INPP4B: variants seen among roughly 807,000 people sequenced by gnomAD.
The protein encoded by INPP4B is inositol polyphosphate-4-phosphatase type II B, also known as inositol polyphosphate 4-phosphatase type II.
INPP4B carries 55 observed loss-of-function variants against 122.5 expected under a neutral mutation model. The observed-to-expected ratio is 0.45, with a 90% confidence interval of 0.36 to 0.56. The LOEUF is 0.56. Among genes scored for constraint, INPP4B ranks in the 20% least tolerant of loss-of-function variants. The probability of loss-of-function intolerance (pLI) is 0.00; values close to 1 mark genes in which losing one functional copy is unlikely to be tolerated. For missense variants in INPP4B, 1,000 were observed against 1,097.7 expected (o/e 0.91, Z 1.26); for synonymous variants, 403 against 388.7 (o/e 1.04, Z -0.43).
chr4:142,084,107 A>G (rs1775515544), intron 24 of INPP4B, among the ~76,000 whole-genome samples: 1 of 152,070 alleles, frequency 6.6e-6, no homozygotes, highest in Non-Finnish European at 1.5e-5. Flanking sequence ...GAAAAAAACA[A>G]ATGACTTTAT....
chr4:142,245,034 G>A (rs1727213968), intron 11 of INPP4B, among the ~76,000 whole-genome samples: 1 of 152,152 alleles, frequency 6.6e-6, no homozygotes, highest in Non-Finnish European at 1.5e-5. Flanking sequence ...CTTTTCAGAA[G>A]TGTCTGTTCA....
intron 2 of INPP4B, among the ~76,000 whole-genome samples, chr4:142,469,331 A>C (rs1818390366): frequency 1.3e-5 from 2 of 152,140 alleles, no homozygotes; most frequent in African/African-American, 4.8e-5. Context: ...AGAAATTATG[A>C]ATAACTCTGT....
chr4:142,605,675 A>G (rs1012658439), intron 2 of INPP4B, among the ~76,000 whole-genome samples: 3 of 152,046 alleles, frequency 2.0e-5, no homozygotes, highest in Non-Finnish European at 4.4e-5. Context: ...AAGATATATG[A>G]GAAAATGTTC....
intron 1 of INPP4B, among the ~76,000 whole-genome samples, chr4:142,773,782 T>C (rs2151006762): frequency 6.6e-6 from 1 of 152,330 alleles, no homozygotes; most frequent in Non-Finnish European, 1.5e-5. Flanking sequence ...TCTCCAGTAT[T>C]ATCAGAAGGG....
chr4:142,597,340 C>A (rs1227641389), intron 2 of INPP4B, among the ~76,000 whole-genome samples: 1 of 152,186 alleles, frequency 6.6e-6, no homozygotes, highest in African/African-American at 2.4e-5. Context: ...TGTGGATCAA[C>A]GGTGACACCA....
intron 18 of INPP4B, among the ~76,000 whole-genome samples, chr4:142,139,454 G>A (rs769809262): frequency 2.0e-5 from 3 of 152,012 alleles, no homozygotes; most frequent in Admixed American, 6.6e-5. Flanking sequence ...CTACAGGCGC[G>A]TGCTACCATG....
intron 2 of INPP4B, among the ~76,000 whole-genome samples, chr4:142,552,386 A>C (rs1209732807): frequency 6.6e-6 from 1 of 152,040 alleles, no homozygotes; most frequent in Non-Finnish European, 1.5e-5. Flanking sequence ...TTTATTAAGT[A>C]AACTAACCTA....
chr4:142,186,891 C>T (rs1833418923), intron 15 of INPP4B, among the ~76,000 whole-genome samples: 1 of 152,160 alleles, frequency 6.6e-6, no homozygotes, highest in Non-Finnish European at 1.5e-5. Context: ...GTTCAAGCCT[C>T]AGCATGACTA....
intron 10 of INPP4B, among the ~76,000 whole-genome samples, chr4:142,263,639 A>AAT (rs36227189): frequency 0.013 from 540 of 41,788 alleles, 16 homozygotes; most frequent in Non-Finnish European, 0.019. Context: ...AAATTCGTAA[A>AAT]ATATATATAT....
At chr4:142,523,249 C>A (rs531059919) in intron 2 of INPP4B, among the ~76,000 whole-genome samples, 2 of 152,200 alleles carry the variant, frequency 1.3e-5, no homozygotes, top group East Asian at 1.9e-4. Context: ...TGTGGACCAA[C>A]AATTCATGTT....
intron 2 of INPP4B, among the ~76,000 whole-genome samples, chr4:142,609,883 G>A (rs1233043601): frequency 1.3e-5 from 2 of 152,148 alleles, no homozygotes; most frequent in African/African-American, 2.4e-5. Flanking sequence ...AATTTCCTAA[G>A]AAGTAGTGAA....
rs531914072 is a variant in INPP4B at position 142,036,050 on chromosome 4, C to T, written c.2643-7136G>A. On this transcript the variant is annotated intron_variant, in intron 25 of 25. Coordinates refer to ENST00000262992, the MANE Select transcript of INPP4B (RefSeq NM_001101669.3). The stretch of plus-strand genomic sequence containing the variant: ...AAAGGTAGATTTTCAACCACCCTCC[C>T]CTCCTTCCCTCTCCCCTCTAATAGT... Among the ~76,000 whole-genome samples, 107 of 152,106 alleles carry T rather than the reference C, an allele frequency of 7.0e-4. 1 individual carries two copies. The highest frequency in any genetic ancestry group is 1.1e-3 in the Non-Finnish European group (74 of 67,984).
intron 7 of INPP4B, among the ~76,000 whole-genome samples, chr4:142,339,934 A>G (rs1353582577): frequency 1.3e-5 from 2 of 152,198 alleles, no homozygotes; most frequent in African/African-American, 4.8e-5. Flanking sequence ...AACTGAAAAA[A>G]GGAACAAATT....
At chr4:142,817,918 G>A (rs1326375775) in intron 1 of INPP4B, among the ~76,000 whole-genome samples, 1 of 152,150 alleles carries the variant, frequency 6.6e-6, no homozygotes, top group Non-Finnish European at 1.5e-5. Flanking sequence ...GATAAACTTA[G>A]CTGTGTGGTA....
chr4:142,561,410 T>TTTTG (rs3078625), intron 2 of INPP4B, among the ~76,000 whole-genome samples: 12 of 151,454 alleles, frequency 7.9e-5, no homozygotes, highest in Non-Finnish European at 1.2e-4. Context: ...TTCTTTGTTT[T>TTTTG]TTTGTTTGTT....
chr4:142,078,883 C>T (rs336379), intron 25 of INPP4B, among the ~76,000 whole-genome samples: 132,228 of 151,984 alleles, frequency 0.87, 59,734 homozygotes, highest in Non-Finnish European at 0.98. Context: ...TAAACTGCAA[C>T]TGATGTTAAA....
chr4:142,763,873 T>C (rs1341320514), intron 1 of INPP4B, among the ~76,000 whole-genome samples: 1 of 152,084 alleles, frequency 6.6e-6, no homozygotes, highest in Non-Finnish European at 1.5e-5. Context: ...AGTCAAGACA[T>C]GAAATTATCT....
chr4:142,278,098 T>C (rs11944976), intron 9 of INPP4B, among the ~76,000 whole-genome samples: 2,033 of 152,012 alleles, frequency 0.013, 48 homozygotes, highest in African/African-American at 0.047. Flanking sequence ...GATCTGCCCA[T>C]TGGGTTCCAG....
intron 2 of INPP4B, among the ~76,000 whole-genome samples, chr4:142,501,084 C>T (rs1823311906): frequency 6.6e-6 from 1 of 152,150 alleles, no homozygotes; most frequent in Non-Finnish European, 1.5e-5. Context: ...CCCAATCTCC[C>T]AGTCTCTGTA....
Sources: gnomAD v4.1 joint callset for allele counts (sites outside exome capture counted in the v4.1 genomes callset) on GRCh38, gnomAD v4.1.1 for gene constraint, MANE v1.5 for transcripts, NCBI Gene and HGNC (gene_info 2026-07-23, HGNC 2026-07-21) for gene names.